TFAP2E: variants seen among roughly 807,000 people sequenced by gnomAD.
The protein encoded by TFAP2E is transcription factor AP-2-epsilon.
Under a neutral mutation model 37.9 loss-of-function variants are expected in TFAP2E, and 30 were observed. The ratio of observed to expected loss-of-function variants is 0.79; its 90% confidence interval spans 0.59 to 1.07. TFAP2E has a LOEUF of 1.07. Among genes scored for constraint, TFAP2E ranks in the 50% least tolerant of loss-of-function variants. The pLI is 0.00. For missense variants in TFAP2E, 567 were observed against 637.9 expected, an observed-to-expected ratio of 0.89 and a Z score of 1.20; for synonymous variants, 318 against 295.8, an observed-to-expected ratio of 1.08 and a Z score of -0.77.
In TFAP2E at chr1:35,588,428, G is replaced by C. The variant is rs769390369; in HGVS notation, c.661G>C (p.Val221Leu). The change falls in exon 4 of 7, where the codon GTG (valine) becomes CTG (leucine). Residue 221 changes from valine to leucine, a missense_variant. Physicochemically the swap from Val to Leu is conservative, Grantham distance 32. This residue lies in a region of TFAP2E where 252 missense variants were observed against 302.6 expected (regional missense o/e 0.83). Coordinates refer to ENST00000373235, the MANE Select transcript of TFAP2E (RefSeq NM_178548.4). The surrounding 1 kb of genome is among the most constrained non-coding windows in gnomAD (Gnocchi z 5.1). ...AAATCCTGGTGAGGTCTTCTGCTCC[G>C]TGCCCGGCCGGCTTTCACTGCTCAG... ...ITNPGEVFCS[V>L]PGRLSLLSST... 1.2e-6 allele frequency: 2 copies of C among 1,611,918 alleles called. No individual in the cohort carries two copies. The highest frequency in any genetic ancestry group is 2.2e-5 in the South Asian group (2 of 91,078).
chr1:35,594,283 G>C (rs1274936605), intron 6 of TFAP2E, 111 bp from the exon 7 acceptor site: 2 of 1,342,402 alleles, frequency 1.5e-6, no homozygotes, highest in Non-Finnish European at 2.0e-6. Flanking sequence ...CAGACTGTTG[G>C]GAGGGTCAGC....
rs1285490376 is a variant in TFAP2E, at chr1:35,584,669, C to T, written c.563-3661C>T. Among the ~76,000 whole-genome samples, 3 of 152,060 alleles carry T rather than the reference C, an allele frequency of 2.0e-5. No homozygotes were observed. In the South Asian group the frequency reaches 6.2e-4, roughly 32 times the overall value. On this transcript the variant is annotated intron_variant, in intron 3 of 6. Coordinates refer to ENST00000373235, the MANE Select transcript of TFAP2E (RefSeq NM_178548.4). ...CCTCCTACCTCAGCCTCCAGAGTAG[C>T]TGGGACTGCAGGCATGTGCAATCAC... is the stretch of plus-strand genomic sequence containing the variant.
intron 3 of TFAP2E, among the ~76,000 whole-genome samples, chr1:35,584,224 A>C (rs1333277266): frequency 6.6e-6 from 1 of 152,074 alleles, no homozygotes; most frequent in Non-Finnish European, 1.5e-5. Context: ...CAGCCTTCCG[A>C]GCAGCTGGGA....
intron 4 of TFAP2E, among the ~76,000 whole-genome samples, chr1:35,589,222 G>A (rs1325946756): frequency 6.7e-6 from 1 of 149,808 alleles, no homozygotes; most frequent in Non-Finnish European, 1.5e-5. Flanking sequence ...GTGTGTGTGT[G>A]TGTGTGTGTG....
At position 35,574,376 on chromosome 1, in the gene TFAP2E, G is replaced by A. The variant is rs768818153; in HGVS notation, c.477G>A (p.Gly159=). 1.2e-5 allele frequency: 17 copies of A among 1,440,376 alleles called. No individual in the cohort carries two copies. The South Asian group carries it at 2.0e-4, about 17-fold the overall frequency. The allele number at this position is 1,440,376 out of a possible 1,614,324, so 89.2% of individuals were successfully genotyped here. A position where few individuals can be genotyped will look rare whatever the true frequency, so the allele number is the denominator to read the frequency against. The part of the protein sequence containing the change: ...GLADAPLGLP[G]LAAAPGLEDL... The stretch of plus-strand genomic sequence containing the variant: ...CAGACGCACCTCTCGGCCTTCCGGG[G>A]CTGGCGGCGGCCCCCGGTCTGGAGG... The change falls in exon 2 of 7, where the codon GGG becomes GGA. Residue 159 remains glycine, a synonymous_variant. Transcript: ENST00000373235.
intron 6 of TFAP2E, among the ~76,000 whole-genome samples, chr1:35,592,162 G>C (rs534078830): frequency 6.6e-6 from 1 of 152,036 alleles, no homozygotes; most frequent in Admixed American, 6.5e-5. Flanking sequence ...GTGCACTCCT[G>C]TAGTCCCAGC....
At position 35,577,227 on chromosome 1, in the gene TFAP2E, A is replaced by AC; in HGVS notation, c.562+2230dup. On this transcript the variant is annotated intron_variant, in intron 3 of 6. Coordinates refer to ENST00000373235, the MANE Select transcript of TFAP2E (RefSeq NM_178548.4). This position sits in a 1 kb window ranked among gnomAD's most constrained non-coding sequence, Gnocchi z 6.3. Reference sequence around the variant, plus strand: ...ACCCAGGGGAAAGCGTGGGCGGTCGACCCAGGGCAGCTGCGGCGGCGAGGC... The same window carrying AC: ...ACCCAGGGGAAAGCGTGGGCGGTCGACCCCAGGGCAGCTGCGGCGGCGAGGC... The AC allele has an allele frequency of 2.6e-6, 1 of 390,412 alleles. No individual in the cohort carries two copies. The highest frequency in any genetic ancestry group is 5.2e-6 in the Non-Finnish European group (1 of 193,470). 24.2% of individuals were successfully genotyped at this position (390,412 alleles called of 1,614,324 possible). A position where few individuals can be genotyped will look rare whatever the true frequency, so the allele number is the denominator to read the frequency against.
chr1:35,585,854 G>A (rs1649465497), intron 3 of TFAP2E, among the ~76,000 whole-genome samples: 1 of 152,118 alleles, frequency 6.6e-6, no homozygotes, highest in East Asian at 1.9e-4. Context: ...TTCAAGACCA[G>A]TCTGGGCAAC....
Position 35,588,264 on chromosome 1 carries a change from C to A in TFAP2E, c.563-66C>A. ...TTCTCCCTTCATAAAGCAAGGATAC[C>A]AGACCCTCCCTTGAGTGGGGCTGTG... On this transcript the variant is annotated intron_variant, in intron 3 of 6. Transcript: ENST00000373235. This position sits in a 1 kb window ranked among gnomAD's most constrained non-coding sequence, Gnocchi z 5.1. 1 of 1,491,110 alleles carries A rather than the reference C, an allele frequency of 6.7e-7. No individual in the cohort carries two copies. The highest frequency in any genetic ancestry group is 1.3e-5 in the South Asian group (1 of 79,024). The allele number at this position is 1,491,110 out of a possible 1,614,324, so 92.4% of individuals were successfully genotyped here. A position where few individuals can be genotyped will look rare whatever the true frequency, so the allele number is the denominator to read the frequency against.
intron 3 of TFAP2E, among the ~76,000 whole-genome samples, chr1:35,580,647 C>A (rs547935608): frequency 4.1e-4 from 63 of 152,034 alleles, no homozygotes; most frequent in African/African-American, 1.3e-3. Context: ...TGGTGGCGGG[C>A]GCCTGTAGTC....
At position 35,574,098 on chromosome 1, in the gene TFAP2E, G is replaced by A. The variant is rs990916649; in HGVS notation, c.199G>A (p.Gly67Ser). ...CTACCCGCAGCCACCGCTGCCCTAC[G>A]GTCAGGCGCCCGACGCCGCCGCAGC... The part of the protein sequence containing the change: ...PPYPQPPLPY[G>S]QAPDAAAAFP... The change falls in exon 2 of 7, where the codon GGT becomes AGT. Residue 67 changes from glycine to serine, a missense_variant. By Grantham distance (56) the Gly-to-Ser change is moderately conservative. Around this residue, in one of 3 missense-constraint regions of TFAP2E, gnomAD observed 312 missense variants for 317.4 expected, o/e 0.98. Coordinates refer to ENST00000373235, the MANE Select transcript of TFAP2E (RefSeq NM_178548.4). 10 of 1,471,130 alleles carry A rather than the reference G, an allele frequency of 6.8e-6. No individual in the cohort carries two copies. In the East Asian group the frequency reaches 1.8e-4, roughly 27 times the overall value. The allele number at this position is 1,471,130 out of a possible 1,614,324, so 91.1% of individuals were successfully genotyped here.
chr1:35,592,820 G>A (rs918139906), intron 6 of TFAP2E, among the ~76,000 whole-genome samples: 6 of 152,288 alleles, frequency 3.9e-5, no homozygotes, highest in African/African-American at 1.4e-4. Context: ...TCACATTGTA[G>A]AAGGGAGAAG....
rs1401786702 is a variant in TFAP2E at position 35,574,253 on chromosome 1, ACCGC to A, written c.363_366del (p.Arg122ProfsTer55). On this transcript the variant is annotated frameshift_variant, in exon 2 of 7. Coordinates refer to ENST00000373235, the MANE Select transcript of TFAP2E (RefSeq NM_178548.4). LOFTEE classifies it high-confidence loss of function. ...ACGAGGAGCCTCCCGGCCTGCTGGC[ACCGC>A]CCGCCCGCGCCCTGGGCCTTGACCC... is the stretch of plus-strand genomic sequence containing the variant. 3 of 1,312,048 alleles carry A rather than the reference ACCGC, an allele frequency of 2.3e-6. No individual in the cohort carries two copies. Among genetic ancestry groups the A allele is most frequent in the Middle Eastern group, 3.0e-4 (1 of 3,356 alleles). The allele number at this position is 1,312,048 out of a possible 1,614,324, so 81.3% of individuals were successfully genotyped here.
Position 35,573,626 on chromosome 1 carries a change from A to T in TFAP2E, c.27+22A>T. 1.3e-6 allele frequency: 2 copies of T among 1,538,544 alleles called. No homozygotes were observed. Among genetic ancestry groups the T allele is most frequent in the African/African-American group, 2.8e-5 (2 of 71,426 alleles). On this transcript the variant is annotated intron_variant, in intron 1 of 6. Transcript: ENST00000373235. The surrounding 1 kb of genome is among the most constrained non-coding windows in gnomAD (Gnocchi z 5.9). ...CATGGTGAGTAGTCTCGGGCCCGGG[A>T]CATATTCGGCCGGGGGATCGGGGCG...
At chr1:35,580,583 AC>A (rs981345345) in intron 3 of TFAP2E, among the ~76,000 whole-genome samples, 3 of 151,994 alleles carry the variant, frequency 2.0e-5, no homozygotes, top group African/African-American at 4.8e-5. Flanking sequence ...ACACGGTGAA[AC>A]CCCATCTCTA....
intron 6 of TFAP2E, among the ~76,000 whole-genome samples, chr1:35,591,525 T>C (rs1649679917): frequency 6.6e-6 from 1 of 152,182 alleles, no homozygotes; most frequent in Non-Finnish European, 1.5e-5. Flanking sequence ...ATCTCACTCC[T>C]GGACCTTCAC....
Position 35,587,173 on chromosome 1 carries a change from T to A in TFAP2E, c.563-1157T>A, listed in dbSNP as rs993009439. ...TCACTCCTGATGTACACACGAGGCC[T>A]TGTCTACCAAGGCTGTCACCTCCTT... On this transcript the variant is annotated intron_variant, in intron 3 of 6. Transcript: ENST00000373235. Among the ~76,000 whole-genome samples the A allele has an allele frequency of 7.9e-5, 12 of 152,178 alleles. 1 individual carries two copies. Among genetic ancestry groups the A allele is most frequent in the Admixed American group, 7.2e-4 (11 of 15,278 alleles).
chr1:35,575,486 C>G, intron 3 of TFAP2E, among the ~76,000 whole-genome samples: 1 of 152,264 alleles, frequency 6.6e-6, no homozygotes, highest in African/African-American at 2.4e-5. Context: ...GAGTCTCTTG[C>G]GGCATTTAGA....
rs1649104217 is a variant in TFAP2E, at chr1:35,574,331, C to T, written c.432C>T (p.Ala144=). The T allele has an allele frequency of 2.8e-6, 4 of 1,447,014 alleles. No individual in the cohort carries two copies. The highest frequency in any genetic ancestry group is 2.7e-5 in the South Asian group (2 of 73,590). The allele number at this position is 1,447,014 out of a possible 1,614,324, so 89.6% of individuals were successfully genotyped here. A position where few individuals can be genotyped will look rare whatever the true frequency, so the allele number is the denominator to read the frequency against. Residue 144 remains alanine (A), a synonymous_variant, in exon 2 of 7, where the codon GCC becomes GCT. Coordinates refer to ENST00000373235, the MANE Select transcript of TFAP2E (RefSeq NM_178548.4). ...TGCCCCGGCTCCTGCACGGCCTGGC[C>T]GACGGCGCGCACGGCCTGGCAGACG... ...TAVPRLLHGL[A]DGAHGLADAP...
Sources: allele counts gnomAD v4.1 joint callset (sites outside exome capture counted in the v4.1 genomes callset), GRCh38; gene constraint gnomAD v4.1.1; regional missense constraint gnomAD v4.1.1; non-coding constraint Gnocchi (gnomAD v3.1); transcripts MANE v1.5; gene names NCBI Gene and HGNC (gene_info 2026-07-23, HGNC 2026-07-21).